USP48: variants seen among roughly 807,000 people sequenced by gnomAD.
USP48 encodes the protein ubiquitin specific peptidase 48.
In USP48, 43 loss-of-function variants were observed where a neutral mutation model predicts 150.7. That is an observed-to-expected ratio of 0.29 (90% CI 0.22 to 0.37). The LOEUF is 0.37. Ranked by LOEUF, USP48 falls within the 10% of genes least tolerant of loss-of-function variation. The pLI, the probability that USP48 is intolerant of heterozygous loss-of-function variation, is 1.00. For missense variants in USP48, 813 were observed against 1,249.6 expected, an observed-to-expected ratio of 0.65 and a Z score of 5.27; for synonymous variants, 396 against 425.9, an observed-to-expected ratio of 0.93 and a Z score of 0.86.
At chr1:21,731,032 T>TA (rs1184764504) in intron 9 of USP48, among the ~76,000 whole-genome samples, 1 of 152,158 alleles carries the variant, frequency 6.6e-6, no homozygotes, top group African/African-American at 2.4e-5. Flanking sequence ...GTGTTGGGAT[T>TA]ACAGGCGTGA....
At chr1:21,766,308 T>C (rs1572028598) in intron 1 of USP48, among the ~76,000 whole-genome samples, 1 of 151,964 alleles carries the variant, frequency 6.6e-6, no homozygotes, top group African/African-American at 2.4e-5. Flanking sequence ...GAGGCGGAGG[T>C]TGCAGTGAGC....
At chr1:21,782,787 C>G in intron 1 of USP48, 37 bp downstream of exon 1, 2 of 1,501,130 alleles carry the variant, frequency 1.3e-6, no homozygotes, top group South Asian at 2.5e-5. Flanking sequence ...CAAGGTCCGG[C>G]GCGAGGAGCC....
intron 24 of USP48, among the ~76,000 whole-genome samples, chr1:21,688,854 A>AG (rs2097587623): frequency 6.6e-6 from 1 of 150,502 alleles, no homozygotes; most frequent in East Asian, 2.0e-4. Context: ...AAAAAAAAAA[A>AG]AAAAAAAAGA....
intron 9 of USP48, among the ~76,000 whole-genome samples, chr1:21,731,992 A>C (rs775845676): frequency 2.6e-5 from 4 of 152,194 alleles, no homozygotes; most frequent in Admixed American, 2.6e-4. Context: ...CATGAAAACG[A>C]TTTTCAAATT....
At chr1:21,727,264 C>T (rs748962881) in intron 11 of USP48, among the ~76,000 whole-genome samples, 2 of 152,144 alleles carry the variant, frequency 1.3e-5, no homozygotes, top group Non-Finnish European at 2.9e-5. Context: ...AATTTTACAG[C>T]GTGGACTGTC....
chr1:21,736,627 T>A lies in USP48; in HGVS notation c.992-2A>T, dbSNP rs1197978294. On this transcript the variant is annotated splice_acceptor_variant, in intron 8 of 26. Coordinates refer to ENST00000308271, the MANE Select transcript of USP48 (RefSeq NM_032236.8). LOFTEE classifies it high-confidence loss of function. ...TGAGTTCATACACGTAGGACCCACC[T>A]GGAGAGAAAGGGAGAAAGTAAAAGA... 1 of 1,389,362 alleles carries A rather than the reference T, an allele frequency of 7.2e-7. No homozygotes were observed. The allele number at this position is 1,389,362 out of a possible 1,614,324, so 86.1% of individuals were successfully genotyped here. A position where few individuals can be genotyped will look rare whatever the true frequency, so the allele number is the denominator to read the frequency against.
Position 21,701,699 on chromosome 1 carries a change from G to T in USP48, c.2623-97C>A, listed in dbSNP as rs777995551. 5 of 847,834 alleles carry T rather than the reference G, an allele frequency of 5.9e-6. 1 individual carries two copies. In the East Asian group the frequency reaches 1.3e-4, roughly 22 times the overall value. The allele number at this position is 847,834 out of a possible 1,614,324, so 52.5% of individuals were successfully genotyped here. On this transcript the variant is annotated intron_variant, in intron 21 of 26. Transcript: ENST00000308271. ...TGGGACCGGCAACCTTTATCAAGACGAGGAACACCTTTATCATGGTGGGAT... is the reference window on the plus strand; with the variant it reads ...TGGGACCGGCAACCTTTATCAAGACTAGGAACACCTTTATCATGGTGGGAT...
At chr1:21,781,721 G>A (rs1557635720) in intron 1 of USP48, 1 of 152,302 alleles carries the variant, frequency 6.6e-6, no homozygotes, top group Non-Finnish European at 1.5e-5. Flanking sequence ...GTGACAGAGT[G>A]AGACCCTGTC....
intron 1 of USP48, among the ~76,000 whole-genome samples, chr1:21,759,165 G>GATGGGCAAC (rs2097844085): frequency 9.0e-6 from 1 of 111,060 alleles, no homozygotes; most frequent in Admixed American, 1.4e-4. Context: ...CTGGGCAACA[G>GATGGGCAAC]AGAGAGACAC....
rs1270982415 is a variant in USP48 at position 21,678,628 on chromosome 1, C to T, written c.*789G>A. 6.6e-6 allele frequency: 1 copy of T among 152,148 alleles called. No homozygotes were observed. The highest frequency in any genetic ancestry group is 1.5e-5 in the Non-Finnish European group (1 of 68,030). The allele number at this position is 152,148 out of a possible 1,614,324, so 9.4% of individuals were successfully genotyped here. ...GTCAGATTTTTTATTTTCAAACGTG[C>T]CAGGTACATTTCCCACTTTTGAATA... On this transcript the variant is annotated 3_prime_UTR_variant, in exon 27 of 27. Transcript: ENST00000308271.
chr1:21,691,806 A>G (rs966464555), intron 23 of USP48, among the ~76,000 whole-genome samples: 10 of 152,224 alleles, frequency 6.6e-5, no homozygotes, highest in Admixed American at 5.9e-4. Context: ...CTTCAATGAC[A>G]CTGTTTTAAT....
At chr1:21,705,204 C>T (rs2097668721) in intron 19 of USP48, among the ~76,000 whole-genome samples, 2 of 152,146 alleles carry the variant, frequency 1.3e-5, no homozygotes, top group African/African-American at 4.8e-5. Flanking sequence ...AGCATTCTAC[C>T]TTCTCGTATA....
At chr1:21,682,208 T>C (rs1427397379) in intron 25 of USP48, among the ~76,000 whole-genome samples, 1 of 152,208 alleles carries the variant, frequency 6.6e-6, no homozygotes, top group Non-Finnish European at 1.5e-5. Flanking sequence ...TACAGACTTA[T>C]AGATTGGAAC....
chr1:21,769,069 C>A (rs571878931), intron 1 of USP48, among the ~76,000 whole-genome samples: 1 of 152,092 alleles, frequency 6.6e-6, no homozygotes. Context: ...TGAGTTGTTG[C>A]TTTTGCTAAC....
At chr1:21,754,746 C>T (rs1480225711) in intron 3 of USP48, among the ~76,000 whole-genome samples, 1 of 152,190 alleles carries the variant, frequency 6.6e-6, no homozygotes, top group East Asian at 1.9e-4. Flanking sequence ...TACAGTGCCT[C>T]CAGTGAGGCA....
chr1:21,731,794 A>G (rs919497655), intron 9 of USP48, among the ~76,000 whole-genome samples: 1 of 152,034 alleles, frequency 6.6e-6, no homozygotes, highest in Non-Finnish European at 1.5e-5. Context: ...AGTTGAACCC[A>G]GGAGGCAGAG....
At chr1:21,740,377 G>A (rs748877415) in intron 8 of USP48, among the ~76,000 whole-genome samples, 14 of 152,192 alleles carry the variant, frequency 9.2e-5, no homozygotes, top group Non-Finnish European at 1.8e-4. Context: ...TGGTTTAGAA[G>A]ATTATCAAAA....
chr1:21,767,337 G>A (rs1266747084), intron 1 of USP48, among the ~76,000 whole-genome samples: 1 of 151,872 alleles, frequency 6.6e-6, no homozygotes, highest in Non-Finnish European at 1.5e-5. Flanking sequence ...TATTTTTTGA[G>A]ACGGTGTCTC....
intron 1 of USP48, among the ~76,000 whole-genome samples, chr1:21,760,530 A>G (rs2097847345): frequency 6.6e-6 from 1 of 151,628 alleles, no homozygotes; most frequent in Admixed American, 6.6e-5. Context: ...CCTGGCCAAC[A>G]TGGTAAAACC....
Sources: allele counts gnomAD v4.1 joint callset (sites outside exome capture counted in the v4.1 genomes callset), GRCh38; gene constraint gnomAD v4.1.1; transcripts MANE v1.5; gene names NCBI Gene and HGNC (gene_info 2026-07-23, HGNC 2026-07-21).